PACSIN1: variants seen among roughly 807,000 people sequenced by gnomAD.
The protein encoded by PACSIN1 is protein kinase C and casein kinase substrate in neurons 1, also known as protein kinase C and casein kinase substrate in neurons protein 1.
In PACSIN1, 15 loss-of-function variants were observed where a neutral mutation model predicts 59.5. The ratio of observed to expected loss-of-function variants is 0.25; its 90% CI spans 0.17 to 0.39. The LOEUF (loss-of-function observed/expected upper bound fraction) is 0.39. PACSIN1 is among the 10% of genes least tolerant of loss of function. The probability of loss-of-function intolerance (pLI) is 1.00; values close to 1 mark genes in which losing one functional copy is unlikely to be tolerated. For missense variants in PACSIN1, 420 were observed against 580.2 expected, an observed-to-expected ratio of 0.72 and a Z score of 2.84; for synonymous variants, 210 against 220.6, an observed-to-expected ratio of 0.95 and a Z score of 0.42.
At chr6:34,527,584 C>T in intron 3 of PACSIN1, 96 bp downstream of exon 3, 1 of 1,106,040 alleles carries the variant, frequency 9.0e-7, no homozygotes, top group Non-Finnish European at 1.2e-6. Context: ...TGCACCATGC[C>T]CTCCATCTAC....
chr6:34,488,483 T>C lies in PACSIN1; in HGVS notation c.-64+22213T>C, dbSNP rs1489045130. ...TGAAAGTTTAATGTGACTCTTGCTG[T>C]CTCTTGGTGGAACTATTTCCCCTTT... On this transcript the variant is annotated intron_variant, in intron 1 of 9. Transcript: ENST00000244458. The surrounding 1 kb of genome is among the most constrained non-coding windows in gnomAD (Gnocchi z 4.7). Among the ~76,000 whole-genome samples, 2 of 152,126 alleles carry C rather than the reference T, an allele frequency of 1.3e-5. No individual in the cohort carries two copies. Among genetic ancestry groups the C allele is most frequent in the African/African-American group, 2.4e-5 (1 of 41,424 alleles).
At chr6:34,487,904 T>C (rs963414593) in intron 1 of PACSIN1, among the ~76,000 whole-genome samples, 4 of 152,182 alleles carry the variant, frequency 2.6e-5, no homozygotes, top group Admixed American at 2.0e-4. Context: ...CTGCCCCTCA[T>C]GCTACTTGGA....
At chr6:34,482,745 T>C in intron 1 of PACSIN1, among the ~76,000 whole-genome samples, 1 of 151,510 alleles carries the variant, frequency 6.6e-6, no homozygotes, top group East Asian at 1.9e-4. Context: ...AATGGCATGA[T>C]ATCGGCTCAC....
chr6:34,527,251 G>T, intron 2 of PACSIN1, 81 bp from the exon 3 acceptor site: 1 of 1,346,308 alleles, frequency 7.4e-7, no homozygotes, highest in South Asian at 1.6e-5. Flanking sequence ...GAAGACAGTG[G>T]GCGTGGCCGT....
intron 1 of PACSIN1, among the ~76,000 whole-genome samples, chr6:34,520,784 G>A (rs978738052): frequency 6.6e-6 from 1 of 152,138 alleles, no homozygotes; most frequent in African/African-American, 2.4e-5. Context: ...ACCGGGCCCT[G>A]AGGGCTGACC....
intron 1 of PACSIN1, among the ~76,000 whole-genome samples, chr6:34,483,890 C>G (rs1408982668): frequency 3.9e-5 from 6 of 152,068 alleles, no homozygotes; most frequent in Admixed American, 3.9e-4. Flanking sequence ...CTCAGGTGAT[C>G]CACCTGCCTC....
chr6:34,470,893 TG>T (rs568997158), intron 1 of PACSIN1, among the ~76,000 whole-genome samples: 26 of 152,316 alleles, frequency 1.7e-4, no homozygotes, highest in Non-Finnish European at 3.4e-4. Context: ...AAACTGTATT[TG>T]TCATTTATCT....
intron 1 of PACSIN1, among the ~76,000 whole-genome samples, chr6:34,473,584 C>T (rs945029710): frequency 1.4e-4 from 22 of 152,176 alleles, no homozygotes; most frequent in African/African-American, 5.1e-4. Flanking sequence ...ACAAGAGGGG[C>T]AGCCGAGGCA....
rs1204422620 is a variant in PACSIN1, at chr6:34,531,619, G to A, written c.1057G>A (p.Gly353Ser). The A allele has an allele frequency of 6.2e-7, 1 of 1,613,838 alleles. No homozygotes were observed. Among genetic ancestry groups the A allele is most frequent in the Non-Finnish European group, 8.5e-7 (1 of 1,180,028 alleles). Reference protein sequence around the residue: ...DRGSVSSYDRGQPYATEWSDD... With the variant: ...DRGSVSSYDRSQPYATEWSDD... ...TCTCAGTGTTAGCAGCTACGACAGA[G>A]GCCAGCCCTACGCCACCGAGTGGTC... Residue 353 changes from glycine (G) to serine (S), a missense_variant, in exon 9 of 10, where the codon GGC becomes AGC. Transcript: ENST00000244458. The surrounding 1 kb of genome is among the most constrained non-coding windows in gnomAD (Gnocchi z 4.4).
chr6:34,532,086 A>G lies in PACSIN1; in HGVS notation c.1225+299A>G, dbSNP rs571309329. On this transcript the variant is annotated intron_variant, in intron 9 of 9. Coordinates refer to ENST00000244458, the MANE Select transcript of PACSIN1 (RefSeq NM_020804.5). This position sits in a 1 kb window ranked among gnomAD's most constrained non-coding sequence, Gnocchi z 5.2. The stretch of plus-strand genomic sequence containing the variant: ...GGGCGTGGCCTGGGTTGTGGGCGTG[A>G]CCTGGGCCCAGGATGGGAGTGGGGG... Among the ~76,000 whole-genome samples, 6 of 152,000 alleles carry G rather than the reference A, an allele frequency of 3.9e-5. No homozygotes were observed. In the South Asian group the frequency reaches 6.2e-4, roughly 16 times the overall value.
Position 34,528,677 on chromosome 6 carries a change from G to A in PACSIN1, c.256G>A (p.Ala86Thr), listed in dbSNP as rs769147831. ...QYGSLERAWG[A>T]IMTEADKVSE... The stretch of plus-strand genomic sequence containing the variant: ...TGGCAGCCTGGAGCGGGCCTGGGGT[G>A]CCATAATGACAGAGGCAGACAAGGT... The change falls in exon 4 of 10, where the codon GCC (alanine) becomes ACC (threonine). Residue 86 changes from alanine to threonine, a missense_variant. Physicochemically the swap from Ala to Thr is moderately conservative, Grantham distance 58. Coordinates refer to ENST00000244458, the MANE Select transcript of PACSIN1 (RefSeq NM_020804.5). 1 of 1,614,006 alleles carries A rather than the reference G, an allele frequency of 6.2e-7. No individual in the cohort carries two copies. Among genetic ancestry groups the A allele is most frequent in the Non-Finnish European group, 8.5e-7 (1 of 1,179,986 alleles).
intron 1 of PACSIN1, among the ~76,000 whole-genome samples, chr6:34,507,102 A>C (rs1189121918): frequency 6.6e-6 from 1 of 152,188 alleles, no homozygotes; most frequent in African/African-American, 2.4e-5. Context: ...TAAAGAGAGC[A>C]GGTTTTTTCT....
intron 1 of PACSIN1, among the ~76,000 whole-genome samples, chr6:34,475,204 G>A (rs1484177993): frequency 6.6e-6 from 1 of 152,160 alleles, no homozygotes; most frequent in African/African-American, 2.4e-5. Flanking sequence ...TGGGGGCAGA[G>A]CAGCATGACT....
At chr6:34,524,382 G>A (rs1767448524) in intron 1 of PACSIN1, among the ~76,000 whole-genome samples, 1 of 152,078 alleles carries the variant, frequency 6.6e-6, no homozygotes, top group African/African-American at 2.4e-5. Flanking sequence ...AAATTAAAAG[G>A]GCACAAAAGG....
intron 2 of PACSIN1, 42 bp from the exon 3 acceptor site, chr6:34,527,290 G>A (rs759867019): frequency 3.2e-5 from 47 of 1,461,742 alleles, no homozygotes; most frequent in Non-Finnish European, 3.9e-5. Flanking sequence ...GGCTGGGGAC[G>A]CTGGGAACCC....
chr6:34,483,741 G>A (rs1432638106), intron 1 of PACSIN1, among the ~76,000 whole-genome samples: 1 of 145,048 alleles, frequency 6.9e-6, no homozygotes, highest in East Asian at 2.0e-4. Context: ...CGCCTCCCGG[G>A]TTCACATGAT....
At chr6:34,496,762 CCTGTG>C (rs1451415011) in intron 1 of PACSIN1, among the ~76,000 whole-genome samples, 2 of 152,138 alleles carry the variant, frequency 1.3e-5, no homozygotes, top group South Asian at 2.1e-4. Context: ...AGGACTCCAG[CCTGTG>C]GTCCCCAAGT....
intron 1 of PACSIN1, among the ~76,000 whole-genome samples, chr6:34,496,343 G>GT (rs1163863307): frequency 1.3e-5 from 2 of 152,146 alleles, no homozygotes; most frequent in Admixed American, 6.5e-5. Context: ...GGAGGCTACG[G>GT]TGGGGGCCTG....
intron 1 of PACSIN1, among the ~76,000 whole-genome samples, chr6:34,502,031 CAAAAAA>C (rs55848755): frequency 3.0e-5 from 2 of 67,212 alleles, no homozygotes; most frequent in South Asian, 6.0e-4. Flanking sequence ...GACTCTGTCT[CAAAAAA>C]AAAAAAAAAA....
Sources: gnomAD v4.1 joint callset for allele counts (sites outside exome capture counted in the v4.1 genomes callset) on GRCh38, gnomAD v4.1.1 for gene constraint, Gnocchi (gnomAD v3.1) non-coding constraint, MANE v1.5 for transcripts, NCBI Gene and HGNC (gene_info 2026-07-23, HGNC 2026-07-21) for gene names.